The following UBA7 variants were observed in gnomAD, a reference collection of about 807,000 sequenced individuals.
The protein encoded by UBA7 is ubiquitin-like modifier-activating enzyme 7.
Under a neutral mutation model 113.0 loss-of-function variants are expected in UBA7, and 88 were observed. The ratio of observed to expected loss-of-function variants is 0.78; its 90% CI spans 0.66 to 0.93. UBA7 has a LOEUF of 0.93. Among genes scored for constraint, UBA7 ranks in the 40% least tolerant of loss-of-function variants. The pLI, the probability that UBA7 is intolerant of heterozygous loss-of-function variation, is 0.00. For missense variants in UBA7, 1,092 were observed against 1,266.4 expected, an observed-to-expected ratio of 0.86 and a Z score of 2.09; for synonymous variants, 459 against 513.0, an observed-to-expected ratio of 0.89 and a Z score of 1.42.
At chr3:49,806,202 C>T in intron 21 of UBA7, 37 bp from the exon 22 acceptor site, 4 of 1,530,740 alleles carry the variant, frequency 2.6e-6, no homozygotes, top group Non-Finnish European at 3.5e-6. Flanking sequence ...AGACTTCTTA[C>T]CTCCCCCCAA....
Position 49,806,063 on chromosome 3 carries a change from C to T in UBA7, c.2808+10G>A, listed in dbSNP as rs1391047575. ...CTGAGCCTGGGGGTTGGGGTAGCAA[C>T]AGGGCACACCTGAAGATGAGCCAGC... On this transcript the variant is annotated intron_variant, in intron 22 of 23. Coordinates refer to ENST00000333486, the MANE Select transcript of UBA7 (RefSeq NM_003335.3). The T allele has an allele frequency of 1.3e-6, 2 of 1,584,896 alleles. No homozygotes were observed. Among genetic ancestry groups the T allele is most frequent in the Non-Finnish European group, 1.7e-6 (2 of 1,165,794 alleles).
rs772838231 is a variant in UBA7 at position 49,809,596 on chromosome 3, T to C, written c.2034A>G (p.Lys678=). 2 of 1,613,988 alleles carry C rather than the reference T, an allele frequency of 1.2e-6. No individual in the cohort carries two copies. The highest frequency in any genetic ancestry group is 4.5e-5 in the East Asian group (2 of 44,882). ...GTTTGATGCCATAATGAAAGCAGAG[T>C]TTCCAGTGGCCAAGAGCCCACGCCA... ...DCVAWALGHW[K]LCFHYGIKQL... Residue 678 remains lysine (K), a synonymous_variant, in exon 16 of 24, where the codon AAA becomes AAG. Coordinates refer to ENST00000333486, the MANE Select transcript of UBA7 (RefSeq NM_003335.3).
Position 49,813,394 on chromosome 3 carries a change from A to T in UBA7, c.226-11T>A. 1 of 1,612,044 alleles carries T rather than the reference A, an allele frequency of 6.2e-7. No homozygotes were observed. The highest frequency in any genetic ancestry group is 8.5e-7 in the Non-Finnish European group (1 of 1,178,828). ...CTCTGAGAGGAGAAACTAGGGAGAG[A>T]GCCAGTGCAGCCTGAGCAAAGACAC... On this transcript the variant is annotated splice_polypyrimidine_tract_variant and intron_variant, in intron 2 of 23. Coordinates refer to ENST00000333486, the MANE Select transcript of UBA7 (RefSeq NM_003335.3).
At chr3:49,812,300 C>T in intron 6 of UBA7, 94 bp from the exon 7 acceptor site, 1 of 1,610,430 alleles carries the variant, frequency 6.2e-7, no homozygotes, top group South Asian at 1.1e-5. Context: ...GACCTTGCTG[C>T]ACCTTGTAGA....
At chr3:49,809,751 A>G (rs980529520) in intron 15 of UBA7, 26 bp from the exon 16 acceptor site, 9 of 1,614,080 alleles carry the variant, frequency 5.6e-6, no homozygotes, top group Non-Finnish European at 7.6e-6. Flanking sequence ...GAAGTGTGAG[A>G]CTGAGTCCTG....
rs541479292 is a variant in UBA7 at position 49,810,573 on chromosome 3, G to A, written c.1411C>T (p.His471Tyr). The change falls in exon 12 of 24, where the codon CAC becomes TAC. Residue 471 changes from histidine (H) to tyrosine (Y), a missense_variant. By Grantham distance (83) the His-to-Tyr change is moderately conservative (BLOSUM62 2). Coordinates refer to ENST00000333486, the MANE Select transcript of UBA7 (RefSeq NM_003335.3). The surrounding 1 kb of genome is among the most constrained non-coding windows in gnomAD (Gnocchi z 5.6). The stretch of plus-strand genomic sequence containing the variant: ...CGGCTGAGATTGGAGCGCTCTATGT[G>A]GTCCATGTCAACAACAGTCAAGCCC... ...SGGLTVVDMD[H>Y]IERSNLSRQF... is the part of the protein sequence containing the mutation. 1.1e-5 allele frequency: 18 copies of A among 1,614,126 alleles called. No homozygotes were observed. The East Asian group carries it at 1.3e-4, about 12-fold the overall frequency.
At chr3:49,811,707 T>A in intron 8 of UBA7, 163 bp downstream of exon 8, 2 of 1,282,968 alleles carry the variant, frequency 1.6e-6, no homozygotes, top group South Asian at 2.8e-5. Flanking sequence ...GTAGCAGGAG[T>A]CCCCAGGATG....
Position 49,807,627 on chromosome 3 carries a change from GCA to G in UBA7, c.2715+107_2715+108del. The G allele has an allele frequency of 1.5e-6, 2 of 1,377,262 alleles. No homozygotes were observed. Among genetic ancestry groups the G allele is most frequent in the Non-Finnish European group, 9.8e-7 (1 of 1,021,092 alleles). 85.3% of individuals were successfully genotyped at this position (1,377,262 alleles called of 1,614,324 possible). On this transcript the variant is annotated intron_variant, in intron 21 of 23. Coordinates refer to ENST00000333486, the MANE Select transcript of UBA7 (RefSeq NM_003335.3). The surrounding 1 kb of genome is among the most constrained non-coding windows in gnomAD (Gnocchi z 4.0). ...GCTGGAGGGAGTCTTCAGGACTTCT[GCA>G]CAGTCTGAGTTTCAGTGAGAGCCGG...
In UBA7 at chr3:49,810,498, G is replaced by A; in HGVS notation, c.1467+19C>T. The A allele has an allele frequency of 6.2e-7, 1 of 1,614,102 alleles. No homozygotes were observed. The highest frequency in any genetic ancestry group is 2.2e-5 in the East Asian group (1 of 44,880). On this transcript the variant is annotated intron_variant, in intron 12 of 23. Coordinates refer to ENST00000333486, the MANE Select transcript of UBA7 (RefSeq NM_003335.3). This position sits in a 1 kb window ranked among gnomAD's most constrained non-coding sequence, Gnocchi z 5.6. ...GGACGGTCTGGGATGCAGGAGTGTG[G>A]AGAGGGGTCAGCACTCACACCAACG...
Position 49,811,380 on chromosome 3 carries a change from C to T in UBA7, c.1015G>A (p.Glu339Lys). The T allele has an allele frequency of 2.5e-6, 4 of 1,613,656 alleles. No homozygotes were observed. Among genetic ancestry groups the T allele is most frequent in the Non-Finnish European group, 3.4e-6 (4 of 1,179,854 alleles). Reference protein sequence around the residue: ...LKRTEEEPLEEPLDEALVRTV... With the variant: ...LKRTEEEPLEKPLDEALVRTV... ...CGCACTAGGGCCTCATCCAGTGGCTCTTCCAGTGGCTCTTCCTCTGTCCGC... is the reference window on the plus strand; with the variant it reads ...CGCACTAGGGCCTCATCCAGTGGCTTTTCCAGTGGCTCTTCCTCTGTCCGC... Residue 339 changes from glutamate to lysine, a missense_variant, in exon 9 of 24, where the codon GAG becomes AAG. Transcript: ENST00000333486.
intron 21 of UBA7, 94 bp from the exon 22 acceptor site, chr3:49,806,259 T>G: frequency 2.0e-6 from 2 of 977,404 alleles, no homozygotes; most frequent in Admixed American, 2.3e-5. Flanking sequence ...AGAGCTGGAC[T>G]AGCAGGAAAC....
At position 49,807,630 on chromosome 3, in the gene UBA7, C is replaced by A; in HGVS notation, c.2715+106G>T. ...GGAGGGAGTCTTCAGGACTTCTGCA[C>A]AGTCTGAGTTTCAGTGAGAGCCGGC... On this transcript the variant is annotated intron_variant, in intron 21 of 23. Transcript: ENST00000333486. The surrounding 1 kb of genome is among the most constrained non-coding windows in gnomAD (Gnocchi z 4.0). 7.2e-7 allele frequency: 1 copy of A among 1,389,478 alleles called. No homozygotes were observed. The highest frequency in any genetic ancestry group is 9.7e-7 in the Non-Finnish European group (1 of 1,031,312). The allele number at this position is 1,389,478 out of a possible 1,614,324, so 86.1% of individuals were successfully genotyped here.
chr3:49,808,609 C>T, intron 18 of UBA7, 141 bp from the exon 19 acceptor site: 1 of 865,356 alleles, frequency 1.2e-6, no homozygotes, highest in Non-Finnish European at 1.8e-6. Context: ...TTAATTAATG[C>T]TACAATCTCC....
Position 49,813,579 on chromosome 3 carries a change from C to A in UBA7, c.125G>T (p.Gly42Val). The change falls in exon 2 of 24, where the codon GGC (glycine) becomes GTC (valine). Residue 42 changes from glycine to valine, a missense_variant. By Grantham distance (109) the Gly-to-Val change is moderately radical. Coordinates refer to ENST00000333486, the MANE Select transcript of UBA7 (RefSeq NM_003335.3). ...GTTCTTGGCCACCTCGGCCCCCAGG[C>A]CCTGCAGGCCTGACACCAGGACCCT... ...GARVLVSGLQ[G>V]LGAEVAKNLV... The A allele has an allele frequency of 6.2e-7, 1 of 1,614,074 alleles. No individual in the cohort carries two copies. Among genetic ancestry groups the A allele is most frequent in the East Asian group, 2.2e-5 (1 of 44,874 alleles).
chr3:49,807,152 C>T lies in UBA7; in HGVS notation c.2715+584G>A, dbSNP rs1268188897. Among the ~76,000 whole-genome samples the T allele has an allele frequency of 6.6e-6, 1 of 152,212 alleles. No homozygotes were observed. The highest frequency in any genetic ancestry group is 1.5e-5 in the Non-Finnish European group (1 of 68,022). ...CCACATGCATCTCCATGCATGCCCA[C>T]ATTGAGGACACAGGAAGATGGGAGC... On this transcript the variant is annotated intron_variant, in intron 21 of 23. Transcript: ENST00000333486. The surrounding 1 kb of genome is among the most constrained non-coding windows in gnomAD (Gnocchi z 4.0).
rs1031853804 is a variant in UBA7, at chr3:49,807,226, C to T, written c.2715+510G>A. Among the ~76,000 whole-genome samples the T allele has an allele frequency of 6.6e-6, 1 of 152,226 alleles. No homozygotes were observed. The highest frequency in any genetic ancestry group is 1.9e-4 in the East Asian group (1 of 5,200). ...GATGTGCAAACTTGCTCCTTCCATA[C>T]CCACACTCCGGGGATGCCCAGACCC... On this transcript the variant is annotated intron_variant, in intron 21 of 23. Transcript: ENST00000333486. The surrounding 1 kb of genome is among the most constrained non-coding windows in gnomAD (Gnocchi z 4.0).
At position 49,809,566 on chromosome 3, in the gene UBA7, C is replaced by T; in HGVS notation, c.2064G>A (p.Leu688=). The change falls in exon 16 of 24, where the codon CTG becomes CTA. Residue 688 remains leucine (L), a synonymous_variant. Transcript: ENST00000333486. ...CTTTATTAGGTGGGAAGTGCCTCAG[C>T]AGCTGTTTGATGCCATAATGAAAGC... ...KLCFHYGIKQ[L]LRHFPPNKVL... is the part of the protein sequence containing the mutation. The T allele has an allele frequency of 6.2e-7, 1 of 1,614,130 alleles. No homozygotes were observed.
chr3:49,813,104 T>G lies in UBA7; in HGVS notation c.425A>C (p.His142Pro), dbSNP rs749687276. The stretch of plus-strand genomic sequence containing the variant: ...GTCAGCCGCCAGAAAGCAAACTCCA[T>G]GCTTATGACACAAGGTGCCCACCTT... ...QLKVGTLCHK[H>P]GVCFLAADTR... The change falls in exon 4 of 24, where the codon CAT (histidine) becomes CCT (proline). Residue 142 changes from histidine (H) to proline (P), a missense_variant. Around this residue, in one of 3 missense-constraint regions of UBA7, gnomAD observed 584 missense variants for 714.5 expected, o/e 0.82. Coordinates refer to ENST00000333486, the MANE Select transcript of UBA7 (RefSeq NM_003335.3). 1 of 1,614,136 alleles carries G rather than the reference T, an allele frequency of 6.2e-7. No individual in the cohort carries two copies. Among genetic ancestry groups the G allele is most frequent in the South Asian group, 1.1e-5 (1 of 91,086 alleles).
rs1282636410 is a variant in UBA7, at chr3:49,811,340, C to T, written c.1055G>A (p.Ser352Asn). Reference protein sequence around the residue: ...DEALVRTVALSSAGVLSPMVA... With the variant: ...DEALVRTVALNSAGVLSPMVA... ...CATAGGGCTCAAGACACCTGCACTGCTTAGGGCGACTGTCCGCACTAGGGC... is the reference window on the plus strand; with the variant it reads ...CATAGGGCTCAAGACACCTGCACTGTTTAGGGCGACTGTCCGCACTAGGGC... Residue 352 changes from serine (S) to asparagine (N), a missense_variant, in exon 9 of 24, where the codon AGC (serine) becomes AAC (asparagine). Physicochemically the swap from Ser to Asn is conservative, Grantham distance 46. Around this residue, in one of 3 missense-constraint regions of UBA7, gnomAD observed 584 missense variants for 714.5 expected, o/e 0.82. Transcript: ENST00000333486. The T allele has an allele frequency of 6.2e-7, 1 of 1,614,114 alleles. No homozygotes were observed. The highest frequency in any genetic ancestry group is 8.5e-7 in the Non-Finnish European group (1 of 1,180,048).
Sources: gnomAD v4.1 joint callset for allele counts (sites outside exome capture counted in the v4.1 genomes callset) on GRCh38, gnomAD v4.1.1 for gene constraint, gnomAD v4.1.1 regional missense constraint, Gnocchi (gnomAD v3.1) non-coding constraint, MANE v1.5 for transcripts, NCBI Gene and HGNC (gene_info 2026-07-23, HGNC 2026-07-21) for gene names.